The following ATP1A2 variants were observed in gnomAD, a reference collection of about 807,000 sequenced individuals.
The protein encoded by ATP1A2 is ATPase Na+/K+ transporting subunit alpha 2.
Under a neutral mutation model 113.1 loss-of-function variants are expected in ATP1A2, and 56 were observed. The ratio of observed to expected loss-of-function variants is 0.49; its 90% CI spans 0.40 to 0.62. ATP1A2 has a LOEUF of 0.62. Ranked by LOEUF, ATP1A2 falls within the 20% of genes least tolerant of loss-of-function variation. The pLI, the probability that ATP1A2 is intolerant of heterozygous loss-of-function variation, is 0.00. For missense variants in ATP1A2, 712 were observed against 1,357.8 expected (o/e 0.52, Z 7.47); for synonymous variants, 490 against 526.8 (o/e 0.93, Z 0.96).
At chr1:160,136,834 C>G in intron 19 of ATP1A2, 67 bp from the exon 20 acceptor site, 1 of 1,614,166 alleles carries the variant, frequency 6.2e-7, no homozygotes, top group Non-Finnish European at 8.5e-7. Flanking sequence ...CAGGAGAAAC[C>G]ATGCTACCTT....
Position 160,141,668 on chromosome 1 carries a change from CA to C in ATP1A2, c.*347del. The C allele has an allele frequency of 2.8e-6, 1 of 359,124 alleles. No individual in the cohort carries two copies. The allele number at this position is 359,124 out of a possible 1,614,324, so 22.2% of individuals were successfully genotyped here. A position where few individuals can be genotyped will look rare whatever the true frequency, so the allele number is the denominator to read the frequency against. ...CCCACTTCCTACTGTAATAGATCAGCATCCAAAAGCAGGAACCCATCTAAAC... is the reference window on the plus strand; with the variant it reads ...CCCACTTCCTACTGTAATAGATCAGCTCCAAAAGCAGGAACCCATCTAAAC... On this transcript the variant is annotated 3_prime_UTR_variant, in exon 23 of 23. Coordinates refer to ENST00000361216, the MANE Select transcript of ATP1A2 (RefSeq NM_000702.4).
At chr1:160,133,029 A>G (rs1472456410) in intron 13 of ATP1A2, among the ~76,000 whole-genome samples, 1 of 151,920 alleles carries the variant, frequency 6.6e-6, no homozygotes, top group Non-Finnish European at 1.5e-5. Flanking sequence ...TCAGTGCTTC[A>G]CTTGCCTAAG....
At chr1:160,130,741 A>C in intron 13 of ATP1A2, 144 bp downstream of exon 13, 1 of 1,198,594 alleles carries the variant, frequency 8.3e-7, no homozygotes, top group Non-Finnish European at 1.2e-6. Context: ...ATCTGCAAGG[A>C]AAGGCCCACC....
At chr1:160,121,700 C>T (rs975440299) in intron 3 of ATP1A2, among the ~76,000 whole-genome samples, 6 of 152,326 alleles carry the variant, frequency 3.9e-5, no homozygotes, top group Admixed American at 3.9e-4. Flanking sequence ...TTACAACAAC[C>T]CTTTGAGATA....
intron 1 of ATP1A2, among the ~76,000 whole-genome samples, chr1:160,120,214 G>A (rs894040968): frequency 6.6e-6 from 1 of 152,010 alleles, no homozygotes; most frequent in Non-Finnish European, 1.5e-5. Context: ...GTCTAGTAAC[G>A]GGCAGGCCTG....
chr1:160,117,883 A>G (rs183666447), intron 1 of ATP1A2, among the ~76,000 whole-genome samples: 2 of 151,920 alleles, frequency 1.3e-5, no homozygotes, highest in East Asian at 1.9e-4. Flanking sequence ...GGCTTTCTCA[A>G]AAAGGACTCT....
chr1:160,135,012 G>A lies in ATP1A2; in HGVS notation c.1965-133G>A. Reference sequence around the variant, plus strand: ...ATGGGGGAAGTGAGTACTGAGGAGAGGAGAACTGAAGCAACAGGGGAAGCA... The same window carrying A: ...ATGGGGGAAGTGAGTACTGAGGAGAAGAGAACTGAAGCAACAGGGGAAGCA... On this transcript the variant is annotated intron_variant, in intron 14 of 22. Transcript: ENST00000361216. The surrounding 1 kb of genome is among the most constrained non-coding windows in gnomAD (Gnocchi z 6.3). 8.7e-7 allele frequency: 1 copy of A among 1,144,102 alleles called. No homozygotes were observed. The highest frequency in any genetic ancestry group is 1.3e-6 in the Non-Finnish European group (1 of 773,374). The allele number at this position is 1,144,102 out of a possible 1,614,324, so 70.9% of individuals were successfully genotyped here.
At chr1:160,116,388 G>A (rs1336660603) in intron 1 of ATP1A2, among the ~76,000 whole-genome samples, 2 of 151,952 alleles carry the variant, frequency 1.3e-5, no homozygotes. Flanking sequence ...AGCTCCAGGG[G>A]CCCTGAGTGC....
intron 11 of ATP1A2, 68 bp from the exon 12 acceptor site, chr1:160,130,034 G>A (rs1202932772): frequency 6.3e-7 from 1 of 1,596,874 alleles, no homozygotes; most frequent in African/African-American, 1.3e-5. Context: ...TTCCTTACCA[G>A]CTGCTGCTCT....
chr1:160,116,140 C>T (rs1204113488), intron 1 of ATP1A2, among the ~76,000 whole-genome samples: 3 of 151,966 alleles, frequency 2.0e-5, no homozygotes, highest in Admixed American at 1.3e-4. Context: ...CTCCATCTCT[C>T]CCTCCACCCC....
At chr1:160,140,200 T>C (rs990784988) in intron 22 of ATP1A2, 7 of 585,186 alleles carry the variant, frequency 1.2e-5, no homozygotes, top group African/African-American at 3.7e-5. Flanking sequence ...TAACTCACAG[T>C]TGGTCTCCGA....
At chr1:160,123,116 G>A (rs1260903916) in intron 3 of ATP1A2, 97 bp from the exon 4 acceptor site, 16 of 1,405,766 alleles carry the variant, frequency 1.1e-5, no homozygotes, top group Non-Finnish European at 1.5e-5. Flanking sequence ...TTTCCTTCTG[G>A]GCATTCTTCC....
chr1:160,116,775 G>A (rs1418806355), intron 1 of ATP1A2, among the ~76,000 whole-genome samples: 1 of 152,182 alleles, frequency 6.6e-6, no homozygotes. Flanking sequence ...AGGAGGGTAT[G>A]AGGAAGACTG....
chr1:160,116,565 A>G (rs1489738726), intron 1 of ATP1A2, among the ~76,000 whole-genome samples: 19 of 150,936 alleles, frequency 1.3e-4, no homozygotes. Flanking sequence ...CCACCCGTCC[A>G]TGGCATTCTG....
At position 160,124,312 on chromosome 1, in the gene ATP1A2, G is replaced by A. The variant is rs1553244392; in HGVS notation, c.512G>A (p.Arg171Gln). The change falls in exon 6 of 23, where the codon CGG becomes CAG. Residue 171 changes from arginine to glutamine, a missense_variant. Physicochemically the swap from Arg to Gln is conservative, Grantham distance 43. This residue lies in a region of ATP1A2 where 99 missense variants were observed against 180.4 expected (regional missense o/e 0.55). Transcript: ENST00000361216. ...NMVPQQALVI[R>Q]EGEKMQINAE... is the part of the protein sequence containing the mutation. Reference sequence around the variant, plus strand: ...TCCCCACAGCAAGCCCTTGTGATCCGGGAGGGAGAGAAGATGCAGATCAAC... The same window carrying A: ...TCCCCACAGCAAGCCCTTGTGATCCAGGAGGGAGAGAAGATGCAGATCAAC... 5 of 1,606,734 alleles carry A rather than the reference G, an allele frequency of 3.1e-6. No individual in the cohort carries two copies. The highest frequency in any genetic ancestry group is 1.1e-5 in the South Asian group (1 of 89,702).
intron 20 of ATP1A2, among the ~76,000 whole-genome samples, 153 bp from the exon 21 acceptor site, chr1:160,139,487 T>C (rs1652063785): frequency 6.6e-6 from 1 of 152,212 alleles, no homozygotes; most frequent in South Asian, 2.1e-4. Flanking sequence ...CTTCCTTTGG[T>C]TACATAAAGC....
intron 1 of ATP1A2, among the ~76,000 whole-genome samples, chr1:160,119,932 G>A (rs1470040528): frequency 6.6e-6 from 1 of 151,840 alleles, no homozygotes; most frequent in Admixed American, 6.6e-5. Flanking sequence ...TGAGGTGGGA[G>A]TATTGCTTGA....
At position 160,124,304 on chromosome 1, in the gene ATP1A2, T is replaced by G. The variant is rs1239631567; in HGVS notation, c.504T>G (p.Leu168=). Residue 168 remains leucine (L), a synonymous_variant, in exon 6 of 23, where the codon CTT becomes CTG. Coordinates refer to ENST00000361216, the MANE Select transcript of ATP1A2 (RefSeq NM_000702.4). ...CCTGTGGCTCCCCACAGCAAGCCCT[T>G]GTGATCCGGGAGGGAGAGAAGATGC... ...SFKNMVPQQA[L]VIREGEKMQI... 6.2e-7 allele frequency: 1 copy of G among 1,603,772 alleles called. No individual in the cohort carries two copies. The highest frequency in any genetic ancestry group is 8.5e-7 in the Non-Finnish European group (1 of 1,175,292).
intron 1 of ATP1A2, 144 bp downstream of exon 1, chr1:160,116,017 C>A: frequency 7.3e-7 from 1 of 1,367,674 alleles, no homozygotes; most frequent in Non-Finnish European, 1.0e-6. Flanking sequence ...AGTCTCCAAA[C>A]TACCAATGTG....
Sources: gnomAD v4.1 joint callset for allele counts (sites outside exome capture counted in the v4.1 genomes callset) on GRCh38, gnomAD v4.1.1 for gene constraint, gnomAD v4.1.1 regional missense constraint, Gnocchi (gnomAD v3.1) non-coding constraint, MANE v1.5 for transcripts, NCBI Gene and HGNC (gene_info 2026-07-23, HGNC 2026-07-21) for gene names.